Variants in SUSD1 observed in about 807,000 individuals in gnomAD.
SUSD1 encodes sushi domain containing 1, also known as sushi domain-containing protein 1.
A neutral mutation model predicts 86.9 loss-of-function variants in SUSD1; 65 were observed. That is an observed-to-expected ratio of 0.75 (90% CI 0.61 to 0.92). SUSD1 has a LOEUF of 0.92. Among genes scored for constraint, SUSD1 ranks in the 40% least tolerant of loss-of-function variants. The pLI, the probability that SUSD1 is intolerant of heterozygous loss-of-function variation, is 0.00. For missense variants in SUSD1, 850 were observed against 929.7 expected (o/e 0.91, Z 1.11); for synonymous variants, 346 against 350.0 (o/e 0.99, Z 0.13).
rs1831189375 is a variant in SUSD1, at chr9:112,113,553, C to T, written c.887-685G>A. On this transcript the variant is annotated intron_variant, in intron 6 of 16. Coordinates refer to ENST00000374270, the MANE Select transcript of SUSD1 (RefSeq NM_022486.5). This position sits in a 1 kb window ranked among gnomAD's most constrained non-coding sequence, Gnocchi z 4.1. ...TGAAGGCCTTGGTTCCCTGAGGTAA[C>T]ATAGTTTTCAGCATTCCCAGTCAAC... Among the ~76,000 whole-genome samples the T allele has an allele frequency of 6.6e-6, 1 of 152,196 alleles. No homozygotes were observed.
rs1831172399 is a variant in SUSD1, at chr9:112,113,103, G to T, written c.887-235C>A. Reference sequence around the variant, plus strand: ...GAGGGAAAGGAAAGATTCCAGCTTGGATATAGGTCAGAATTCTAACCTGTG... The same window carrying T: ...GAGGGAAAGGAAAGATTCCAGCTTGTATATAGGTCAGAATTCTAACCTGTG... On this transcript the variant is annotated intron_variant, in intron 6 of 16. Coordinates refer to ENST00000374270, the MANE Select transcript of SUSD1 (RefSeq NM_022486.5). This position sits in a 1 kb window ranked among gnomAD's most constrained non-coding sequence, Gnocchi z 4.1. 1.3e-5 allele frequency among the ~76,000 whole-genome samples: 2 copies of T among 152,160 alleles called. No individual in the cohort carries two copies. Among genetic ancestry groups the T allele is most frequent in the African/African-American group, 4.8e-5 (2 of 41,412 alleles).
In SUSD1 at chr9:112,041,351, C is replaced by A. The variant is rs2281790; in HGVS notation, c.*141G>T. ...CACCATCTTAAATCCAGGAATGGGGCCCAGCTGGGAATGGAGAAAGTTGCA... is the reference window on the plus strand; with the variant it reads ...CACCATCTTAAATCCAGGAATGGGGACCAGCTGGGAATGGAGAAAGTTGCA... On this transcript the variant is annotated 3_prime_UTR_variant, in exon 17 of 17. Coordinates refer to ENST00000374270, the MANE Select transcript of SUSD1 (RefSeq NM_022486.5). 0.23 allele frequency: 163,549 copies of A among 722,682 alleles called. 19,513 individuals are homozygous for A. Among genetic ancestry groups the A allele is most frequent in the Admixed American group, 0.32 (16,312 of 50,968 alleles). 44.8% of individuals were successfully genotyped at this position (722,682 alleles called of 1,614,324 possible). A position where few individuals can be genotyped will look rare whatever the true frequency, so the allele number is the denominator to read the frequency against.
intron 1 of SUSD1, among the ~76,000 whole-genome samples, chr9:112,159,776 C>T (rs1833488067): frequency 6.6e-6 from 1 of 152,132 alleles, no homozygotes; most frequent in Non-Finnish European, 1.5e-5. Flanking sequence ...TACTTTTATA[C>T]TTCAATGCGG....
intron 12 of SUSD1, among the ~76,000 whole-genome samples, chr9:112,067,190 G>C (rs1829021052): frequency 6.6e-6 from 1 of 152,194 alleles, no homozygotes. Flanking sequence ...GAAGATTGGA[G>C]GGTTTTATTC....
intron 15 of SUSD1, among the ~76,000 whole-genome samples, chr9:112,051,492 C>T (rs62569635): frequency 0.048 from 6,634 of 139,392 alleles, 179 homozygotes; most frequent in Non-Finnish European, 0.055. Flanking sequence ...AGTACAATGG[C>T]GCGATCTCGG....
At chr9:112,087,664 A>C (rs537960563) in intron 10 of SUSD1, among the ~76,000 whole-genome samples, 1 of 152,188 alleles carries the variant, frequency 6.6e-6, no homozygotes, top group African/African-American at 2.4e-5. Context: ...TAGGAAAACA[A>C]CTGAAAATAA....
intron 1 of SUSD1, among the ~76,000 whole-genome samples, chr9:112,165,853 A>AGAAGGAAG (rs140281162): frequency 0.029 from 4,140 of 144,432 alleles, 170 homozygotes; most frequent in African/African-American, 0.076. Flanking sequence ...AAAGAGAAAG[A>AGAAGGAAG]GAAGGAAGGA....
At chr9:112,150,869 G>T (rs949260622) in intron 2 of SUSD1, among the ~76,000 whole-genome samples, 1 of 152,222 alleles carries the variant, frequency 6.6e-6, no homozygotes, top group Admixed American at 6.5e-5. Context: ...AGGACTGGAA[G>T]CTGCTCTAGG....
intron 5 of SUSD1, among the ~76,000 whole-genome samples, chr9:112,140,796 TCA>T (rs1832530671): frequency 6.6e-6 from 1 of 152,324 alleles, no homozygotes; most frequent in African/African-American, 2.4e-5. Context: ...TTGTGTGAAG[TCA>T]CAGAGTGTAC....
Position 112,099,042 on chromosome 9 carries a change from TC to T in SUSD1, c.1282-381del, listed in dbSNP as rs1830518068. ...CTCTCTCTCTCTCTCTCTCTCTCTC[TC>T]TCTCTCTCTCTCTGTCTCTTTTCTG... is the stretch of plus-strand genomic sequence containing the variant. On this transcript the variant is annotated intron_variant, in intron 9 of 16. Transcript: ENST00000374270. Among the ~76,000 whole-genome samples the T allele has an allele frequency of 2.6e-5, 4 of 151,442 alleles. No individual in the cohort carries two copies. The South Asian group carries it at 6.3e-4, about 24-fold the overall frequency.
chr9:112,137,263 GGGAGGAGGAGGA>G (rs145497301), intron 5 of SUSD1, among the ~76,000 whole-genome samples: 1 of 151,630 alleles, frequency 6.6e-6, no homozygotes, highest in African/African-American at 2.4e-5. Context: ...AGTGACACAG[GGGAGGAGGAGGA>G]GGAGGAGGAG....
intron 12 of SUSD1, among the ~76,000 whole-genome samples, chr9:112,076,946 G>A (rs994914256): frequency 6.6e-6 from 1 of 152,182 alleles, no homozygotes; most frequent in Non-Finnish European, 1.5e-5. Flanking sequence ...CAATGAAGAC[G>A]TATGTTTCCC....
At chr9:112,082,433 C>T (rs937466971) in intron 10 of SUSD1, among the ~76,000 whole-genome samples, 1 of 152,148 alleles carries the variant, frequency 6.6e-6, no homozygotes, top group African/African-American at 2.4e-5. Context: ...TGATTACAAA[C>T]ATCCTTATAA....
chr9:112,142,482 G>T lies in SUSD1; in HGVS notation c.544C>A (p.Pro182Thr), dbSNP rs747392731. ...TSCTEIDCGT[P>T]PEVPDGYIIG... Reference sequence around the variant, plus strand: ...ATATAGCCATCTGGAACCTCAGGAGGGGTACCACAGTCTATTTCTGAAAAT... The same window carrying T: ...ATATAGCCATCTGGAACCTCAGGAGTGGTACCACAGTCTATTTCTGAAAAT... The change falls in exon 5 of 17, where the codon CCT becomes ACT. Residue 182 changes from proline (P) to threonine (T), a missense_variant. By Grantham distance (38) the Pro-to-Thr change is conservative. Transcript: ENST00000374270. 5 of 1,608,132 alleles carry T rather than the reference G, an allele frequency of 3.1e-6. No homozygotes were observed. The highest frequency in any genetic ancestry group is 4.2e-6 in the Non-Finnish European group (5 of 1,178,800).
At chr9:112,146,567 C>T (rs1049286045) in intron 3 of SUSD1, among the ~76,000 whole-genome samples, 3 of 152,006 alleles carry the variant, frequency 2.0e-5, no homozygotes, top group Non-Finnish European at 4.4e-5. Flanking sequence ...TTTCCTCTTC[C>T]CCTCTTCTTC....
At chr9:112,170,584 T>C (rs3849121) in intron 1 of SUSD1, among the ~76,000 whole-genome samples, 127,077 of 151,916 alleles carry the variant, frequency 0.84, 53,530 homozygotes, top group African/African-American at 0.94. Flanking sequence ...CTGACTTCAG[T>C]TCAACTGACT....
intron 1 of SUSD1, among the ~76,000 whole-genome samples, chr9:112,164,426 A>T (rs1163498921): frequency 6.6e-6 from 1 of 151,104 alleles, no homozygotes; most frequent in Admixed American, 6.6e-5. Context: ...TTTAAAGTGC[A>T]TTCAAATCAC....
At chr9:112,156,706 T>C (rs1421738575) in intron 2 of SUSD1, among the ~76,000 whole-genome samples, 3 of 152,148 alleles carry the variant, frequency 2.0e-5, no homozygotes, top group African/African-American at 4.8e-5. Flanking sequence ...GCTCAGTACC[T>C]CGCTGTTATT....
intron 10 of SUSD1, among the ~76,000 whole-genome samples, chr9:112,093,877 A>AGCTCTAAG (rs939434820): frequency 6.6e-6 from 1 of 152,208 alleles, no homozygotes; most frequent in African/African-American, 2.4e-5. Context: ...AATCAGACAA[A>AGCTCTAAG]GCTCTAAGAC....
Sources: allele counts gnomAD v4.1 joint callset (sites outside exome capture counted in the v4.1 genomes callset), GRCh38; gene constraint gnomAD v4.1.1; non-coding constraint Gnocchi (gnomAD v3.1); transcripts MANE v1.5; gene names NCBI Gene and HGNC (gene_info 2026-07-23, HGNC 2026-07-21).